The following ZFYVE9 variants were observed in gnomAD, a reference collection of about 807,000 sequenced individuals.
ZFYVE9 encodes the protein zinc finger FYVE-type containing 9, also known as zinc finger FYVE domain-containing protein 9.
A neutral mutation model predicts 126.7 loss-of-function variants in ZFYVE9; 43 were observed. The observed-to-expected ratio is 0.34, with a 90% confidence interval of 0.27 to 0.44. ZFYVE9 has a LOEUF of 0.44. Ranked by LOEUF, ZFYVE9 falls within the 20% of genes least tolerant of loss-of-function variation. ZFYVE9 has a pLI of 1.00. For synonymous variants in ZFYVE9, 521 were observed against 597.4 expected (o/e 0.87, Z 1.87); for missense variants, 1,476 against 1,697.0 (o/e 0.87, Z 2.29).
At chr1:52,231,182 C>A (rs751747677) in intron 2 of ZFYVE9, among the ~76,000 whole-genome samples, 8 of 151,970 alleles carry the variant, frequency 5.3e-5, no homozygotes, top group Non-Finnish European at 1.2e-4. Context: ...ATGATTTTGA[C>A]CTATAAATAA....
intron 1 of ZFYVE9, among the ~76,000 whole-genome samples, chr1:52,183,008 T>C: frequency 6.6e-6 from 1 of 152,130 alleles, no homozygotes; most frequent in East Asian, 1.9e-4. Context: ...ATTGATGACC[T>C]TAGGTAGAGC....
At chr1:52,279,082 T>G (rs11205949) in intron 9 of ZFYVE9, among the ~76,000 whole-genome samples, 34,681 of 151,950 alleles carry the variant, frequency 0.23, 8,218 homozygotes, top group African/African-American at 0.61. Flanking sequence ...AAGTTGGTTT[T>G]TATAAAATGA....
intron 4 of ZFYVE9, among the ~76,000 whole-genome samples, chr1:52,242,768 TCA>T (rs2124636131): frequency 6.6e-6 from 1 of 152,328 alleles, no homozygotes; most frequent in Admixed American, 6.5e-5. Flanking sequence ...ACATGGCAAT[TCA>T]CAGTTTCCCT....
intron 7 of ZFYVE9, among the ~76,000 whole-genome samples, chr1:52,271,783 A>C (rs1645695097): frequency 6.6e-6 from 1 of 152,166 alleles, no homozygotes; most frequent in Non-Finnish European, 1.5e-5. Flanking sequence ...AGTCCTAAAA[A>C]CTTTGTCCTA....
chr1:52,222,722 G>A (rs1269160767), intron 2 of ZFYVE9, among the ~76,000 whole-genome samples: 1 of 152,224 alleles, frequency 6.6e-6, no homozygotes, highest in South Asian at 2.1e-4. Context: ...ATGGATTGGA[G>A]GAACCTGTAG....
intron 2 of ZFYVE9, among the ~76,000 whole-genome samples, chr1:52,227,862 T>C (rs894045910): frequency 1.3e-5 from 2 of 152,192 alleles, no homozygotes; most frequent in African/African-American, 4.8e-5. Context: ...TTAGCCCCTC[T>C]GGTGCATAAA....
At chr1:52,243,294 G>A (rs1645353357) in intron 4 of ZFYVE9, among the ~76,000 whole-genome samples, 1 of 152,168 alleles carries the variant, frequency 6.6e-6, no homozygotes, top group Non-Finnish European at 1.5e-5. Flanking sequence ...TTGTGGCAAG[G>A]GCGATGAAGG....
intron 7 of ZFYVE9, among the ~76,000 whole-genome samples, chr1:52,272,621 A>C (rs1645703481): frequency 6.7e-6 from 1 of 150,128 alleles, no homozygotes; most frequent in Admixed American, 6.6e-5. Context: ...GGCCATTCAA[A>C]TTGTTTCCAG....
chr1:52,167,311 A>G (rs1182340669), intron 1 of ZFYVE9, among the ~76,000 whole-genome samples: 1 of 152,196 alleles, frequency 6.6e-6, no homozygotes, highest in African/African-American at 2.4e-5. Context: ...TTGGTGGATA[A>G]ATAAGAAAAA....
At chr1:52,248,276 G>A (rs1023812868) in intron 4 of ZFYVE9, among the ~76,000 whole-genome samples, 1 of 152,158 alleles carries the variant, frequency 6.6e-6, no homozygotes, top group East Asian at 1.9e-4. Context: ...AGAGCCCAAA[G>A]AACCTGGAGT....
chr1:52,145,013 G>C (rs1644294705), intron 1 of ZFYVE9, among the ~76,000 whole-genome samples: 1 of 152,180 alleles, frequency 6.6e-6, no homozygotes, highest in Non-Finnish European at 1.5e-5. Flanking sequence ...TACTAAACTT[G>C]TCCTGTGGAA....
rs146607835 is a variant in ZFYVE9 at position 52,274,612 on chromosome 1, A to G, written c.2746+28A>G. On this transcript the variant is annotated intron_variant, in intron 8 of 18. Transcript: ENST00000287727. ...AAGTGGACTACATATTTAAACAGTGATAGTTCTATCTGCCAAATGTTACCT... is the reference window on the plus strand; with the variant it reads ...AAGTGGACTACATATTTAAACAGTGGTAGTTCTATCTGCCAAATGTTACCT... 159 of 1,566,702 alleles carry G rather than the reference A, an allele frequency of 1.0e-4. 1 individual carries two copies. In the East Asian group the frequency reaches 3.3e-3, roughly 32 times the overall value.
chr1:52,187,763 C>T (rs371593771), intron 1 of ZFYVE9, among the ~76,000 whole-genome samples: 23 of 152,340 alleles, frequency 1.5e-4, no homozygotes, highest in African/African-American at 5.5e-4. Context: ...TACCATCTCA[C>T]ACCAGTCAGA....
At chr1:52,179,829 C>T (rs1644680784) in intron 1 of ZFYVE9, 2 of 629,628 alleles carry the variant, frequency 3.2e-6, no homozygotes, top group South Asian at 3.4e-5. Context: ...CAGCTGGCTT[C>T]AGCAATTGGA....
chr1:52,156,538 C>T (rs572850632), intron 1 of ZFYVE9, among the ~76,000 whole-genome samples: 2 of 152,324 alleles, frequency 1.3e-5, no homozygotes, highest in South Asian at 4.1e-4. Flanking sequence ...TGTCTGATAG[C>T]TCTTACTCCT....
At position 52,346,229 on chromosome 1, in the gene ZFYVE9, A is replaced by C. The variant is rs773546228; in HGVS notation, c.*8A>C. The C allele has an allele frequency of 3.8e-6, 6 of 1,572,138 alleles. No individual in the cohort carries two copies. The highest frequency in any genetic ancestry group is 4.3e-6 in the Non-Finnish European group (5 of 1,153,860). On this transcript the variant is annotated 3_prime_UTR_variant, in exon 19 of 19. Coordinates refer to ENST00000287727, the MANE Select transcript of ZFYVE9 (RefSeq NM_004799.4). ...CTGGAAAACATCGTATAAACAGAGA[A>C]GACTTCATTTTTTTCTGTTCAGACT...
chr1:52,166,657 G>A (rs1644516501), intron 1 of ZFYVE9, among the ~76,000 whole-genome samples: 1 of 152,072 alleles, frequency 6.6e-6, no homozygotes, highest in Non-Finnish European at 1.5e-5. Context: ...GCTTATGCCT[G>A]TAATCCCAGC....
At chr1:52,269,034 A>C (rs1645661303) in intron 7 of ZFYVE9, among the ~76,000 whole-genome samples, 1 of 152,222 alleles carries the variant, frequency 6.6e-6, no homozygotes, top group African/African-American at 2.4e-5. Flanking sequence ...ACCCTGGCTT[A>C]TCAACATCCC....
chr1:52,206,846 G>A (rs955203105), intron 1 of ZFYVE9, among the ~76,000 whole-genome samples: 5 of 152,162 alleles, frequency 3.3e-5, no homozygotes, highest in South Asian at 2.1e-4. Flanking sequence ...CACTGTGCGC[G>A]GCCCGGAGAT....
Sources: gnomAD v4.1 joint callset for allele counts (sites outside exome capture counted in the v4.1 genomes callset) on GRCh38, gnomAD v4.1.1 for gene constraint, MANE v1.5 for transcripts, NCBI Gene and HGNC (gene_info 2026-07-23, HGNC 2026-07-21) for gene names.